Variants in PARD3B observed in about 807,000 individuals in gnomAD.
The protein encoded by PARD3B is partitioning defective 3 homolog B.
PARD3B carries 103 observed loss-of-function variants against 130.2 expected under a neutral mutation model. That is an observed-to-expected ratio of 0.79 (90% CI 0.67 to 0.93). The LOEUF (loss-of-function observed/expected upper bound fraction) is 0.93, where lower values mean the gene tolerates loss of function less well. PARD3B is among the 40% of genes least tolerant of loss of function. The pLI is 0.00. For missense variants in PARD3B, 1,609 were observed against 1,499.2 expected (o/e 1.07, Z -1.21); for synonymous variants, 583 against 553.2 (o/e 1.05, Z -0.76).
chr2:205,601,507 A>G (rs2054783800), intron 22 of PARD3B, among the ~76,000 whole-genome samples: 1 of 152,070 alleles, frequency 6.6e-6, no homozygotes, highest in South Asian at 2.1e-4. Context: ...GTTTAATTAG[A>G]TCCCATTTGC....
At chr2:205,396,467 T>C (rs2046033676) in intron 18 of PARD3B, among the ~76,000 whole-genome samples, 1 of 152,242 alleles carries the variant, frequency 6.6e-6, no homozygotes, top group Non-Finnish European at 1.5e-5. Flanking sequence ...ATCTGTTTCA[T>C]ATGACCTCTA....
chr2:205,372,673 G>A (rs897810675), intron 18 of PARD3B, among the ~76,000 whole-genome samples: 1 of 152,114 alleles, frequency 6.6e-6, no homozygotes. Context: ...TATCCACACT[G>A]CATAAAATTA....
At chr2:205,457,432 G>A (rs1162063668) in intron 20 of PARD3B, among the ~76,000 whole-genome samples, 1 of 151,678 alleles carries the variant, frequency 6.6e-6, no homozygotes, top group Non-Finnish European at 1.5e-5. Flanking sequence ...ATGTTTTCAT[G>A]TATCTTAAAT....
At chr2:204,772,486 T>G (rs1348873845) in intron 2 of PARD3B, among the ~76,000 whole-genome samples, 2 of 152,098 alleles carry the variant, frequency 1.3e-5, no homozygotes, top group African/African-American at 4.8e-5. Flanking sequence ...GACCATGGTT[T>G]TAATCAAATA....
chr2:204,571,794 A>T (rs1486822254), intron 1 of PARD3B, among the ~76,000 whole-genome samples: 1 of 152,234 alleles, frequency 6.6e-6, no homozygotes, highest in African/African-American at 2.4e-5. Context: ...AGTTCAGACC[A>T]AATTATTGTG....
intron 2 of PARD3B, among the ~76,000 whole-genome samples, chr2:204,743,982 C>G (rs1364956267): frequency 6.6e-6 from 1 of 152,038 alleles, no homozygotes; most frequent in Non-Finnish European, 1.5e-5. Flanking sequence ...CTAACAAAAC[C>G]CAAAGGTAGG....
chr2:204,807,254 A>G (rs566859115), intron 2 of PARD3B, among the ~76,000 whole-genome samples: 5 of 152,294 alleles, frequency 3.3e-5, no homozygotes, highest in Non-Finnish European at 5.9e-5. Context: ...GGACATATCA[A>G]TTATTGATCA....
chr2:204,920,301 A>G (rs1279269348), intron 2 of PARD3B, among the ~76,000 whole-genome samples: 1 of 152,182 alleles, frequency 6.6e-6, no homozygotes, highest in South Asian at 2.1e-4. Context: ...GAGGCTCTGC[A>G]TGTATTTGCT....
chr2:204,992,111 G>C lies in PARD3B; in HGVS notation c.394+26788G>C, dbSNP rs962415030. The stretch of plus-strand genomic sequence containing the variant: ...ATCCCATTTGTCAATTTTGGCTTTT[G>C]TTGCCATTGCTTTTGGTGTTTTGGA... On this transcript the variant is annotated intron_variant, in intron 3 of 22. Coordinates refer to ENST00000406610, the MANE Select transcript of PARD3B (RefSeq NM_001302769.2). 5.5e-3 allele frequency among the ~76,000 whole-genome samples: 828 copies of C among 151,716 alleles called. 2 individuals carry two copies. The highest frequency in any genetic ancestry group is 0.017 in the African/African-American group (693 of 41,334).
intron 1 of PARD3B, among the ~76,000 whole-genome samples, chr2:204,596,920 CTCTCTCTCTCTCTCTCTCTATCTG>C (rs1267579219): frequency 4.1e-5 from 6 of 146,948 alleles, no homozygotes; most frequent in African/African-American, 1.3e-4. Context: ...CTCACTCACT[CTCTCTCTCTCTCTCTCTCTATCTG>C]TCTCTCTCTC....
intron 18 of PARD3B, among the ~76,000 whole-genome samples, chr2:205,389,938 C>T (rs547316701): frequency 3.9e-5 from 6 of 152,112 alleles, no homozygotes; most frequent in Admixed American, 6.5e-5. Context: ...AAATTAACCC[C>T]CAACAATTTC....
intron 2 of PARD3B, among the ~76,000 whole-genome samples, chr2:204,828,180 A>G (rs1020071158): frequency 6.6e-6 from 1 of 152,240 alleles, no homozygotes; most frequent in South Asian, 2.1e-4. Context: ...CATCACAGTT[A>G]ACCTCTAAGC....
At position 205,047,623 on chromosome 2, in the gene PARD3B, G is replaced by A; in HGVS notation, c.437G>A (p.Gly146Asp). The change falls in exon 4 of 23, where the codon GGC becomes GAC. Residue 146 changes from glycine (G) to aspartate (D), a missense_variant. Gly to Asp is a moderately conservative substitution (Grantham distance 94, BLOSUM62 -1). Transcript: ENST00000406610. ...AGGAGAAGCAGTGACCCAGTGCCAGGCCCACCTGCTGATACCCAGCCAAGC... is the reference window on the plus strand; with the variant it reads ...AGGAGAAGCAGTGACCCAGTGCCAGACCCACCTGCTGATACCCAGCCAAGC... ...LVRRSSDPVP[G>D]PPADTQPSAS... 1.3e-6 allele frequency: 2 copies of A among 1,550,680 alleles called. No homozygotes were observed. The highest frequency in any genetic ancestry group is 1.7e-6 in the Non-Finnish European group (2 of 1,146,926).
intron 10 of PARD3B, among the ~76,000 whole-genome samples, chr2:205,152,814 G>A (rs1292464375): frequency 2.0e-5 from 3 of 152,236 alleles, no homozygotes; most frequent in East Asian, 1.9e-4. Flanking sequence ...GAGGAGCTGC[G>A]ATCCTTTGGA....
intron 19 of PARD3B, among the ~76,000 whole-genome samples, chr2:205,433,532 C>CAAAAAAAA (rs34275307): frequency 9.1e-6 from 1 of 110,304 alleles, no homozygotes; most frequent in African/African-American, 3.5e-5. Context: ...GACTCTGTGT[C>CAAAAAAAA]AAAAAAAAAA....
intron 2 of PARD3B, among the ~76,000 whole-genome samples, chr2:204,902,397 C>T (rs1280376872): frequency 6.6e-6 from 1 of 151,988 alleles, no homozygotes; most frequent in Non-Finnish European, 1.5e-5. Flanking sequence ...CAGCCAGGCG[C>T]GGTGGCTCAG....
intron 2 of PARD3B, among the ~76,000 whole-genome samples, chr2:204,844,316 GA>G (rs1183700401): frequency 1.3e-5 from 2 of 151,642 alleles, no homozygotes; most frequent in East Asian, 1.9e-4. Flanking sequence ...ATTGTAGCAG[GA>G]AAAAAAACTA....
intron 3 of PARD3B, among the ~76,000 whole-genome samples, chr2:205,019,683 G>T (rs1025072392): frequency 6.6e-6 from 1 of 152,142 alleles, no homozygotes; most frequent in East Asian, 1.9e-4. Flanking sequence ...CCTAGTGGGT[G>T]TAAAGTGGTA....
At chr2:205,099,887 A>G (rs1702635688) in intron 4 of PARD3B, among the ~76,000 whole-genome samples, 1 of 152,154 alleles carries the variant, frequency 6.6e-6, no homozygotes, top group South Asian at 2.1e-4. Flanking sequence ...TTTTGATATT[A>G]TCTTAATAAT....
Sources: gnomAD v4.1 joint callset for allele counts (sites outside exome capture counted in the v4.1 genomes callset) on GRCh38, gnomAD v4.1.1 for gene constraint, MANE v1.5 for transcripts, NCBI Gene and HGNC (gene_info 2026-07-23, HGNC 2026-07-21) for gene names.